The following GALNTL6 variants were observed in gnomAD, a reference collection of about 807,000 sequenced individuals.
The protein encoded by GALNTL6 is polypeptide N-acetylgalactosaminyltransferase like 6.
Under a neutral mutation model 73.7 loss-of-function variants are expected in GALNTL6, and 46 were observed. The observed-to-expected ratio is 0.62, with a 90% CI of 0.49 to 0.80. The LOEUF (loss-of-function observed/expected upper bound fraction) is 0.80. Ranked by LOEUF, GALNTL6 falls within the 30% of genes least tolerant of loss-of-function variation. The probability of loss-of-function intolerance (pLI) is 0.00; values close to 1 mark genes in which losing one functional copy is unlikely to be tolerated. For missense variants in GALNTL6, 604 were observed against 755.0 expected, an observed-to-expected ratio of 0.80 and a Z score of 2.34; for synonymous variants, 259 against 263.7, an observed-to-expected ratio of 0.98 and a Z score of 0.17.
chr4:172,557,354 G>A (rs1736186313), intron 5 of GALNTL6, among the ~76,000 whole-genome samples: 1 of 152,072 alleles, frequency 6.6e-6, no homozygotes, highest in Non-Finnish European at 1.5e-5. Flanking sequence ...TCTTAGATAT[G>A]ACACAGAAAA....
intron 2 of GALNTL6, among the ~76,000 whole-genome samples, chr4:171,958,366 A>G (rs1739118492): frequency 6.6e-6 from 1 of 152,186 alleles, no homozygotes; most frequent in African/African-American, 2.4e-5. Context: ...AAGATATCAC[A>G]TGAAAACTAA....
chr4:173,010,623 T>C (rs2126495660), intron 11 of GALNTL6, among the ~76,000 whole-genome samples: 1 of 152,078 alleles, frequency 6.6e-6, no homozygotes, highest in African/African-American at 2.4e-5. Context: ...TTAAACGGAG[T>C]CTCGCTCTGT....
At chr4:172,061,596 T>C (rs1220127248) in intron 2 of GALNTL6, among the ~76,000 whole-genome samples, 1 of 152,236 alleles carries the variant, frequency 6.6e-6, no homozygotes, top group East Asian at 1.9e-4. Flanking sequence ...AGGCCAAATA[T>C]GTGCTTGTAT....
chr4:171,986,091 G>A (rs1370265786), intron 2 of GALNTL6, among the ~76,000 whole-genome samples: 6 of 148,460 alleles, frequency 4.0e-5, no homozygotes, highest in African/African-American at 1.2e-4. Context: ...GGTATCTTTG[G>A]CACATATGAT....
chr4:172,151,089 A>C (rs1280157979), intron 2 of GALNTL6, among the ~76,000 whole-genome samples: 1 of 152,218 alleles, frequency 6.6e-6, no homozygotes, highest in Non-Finnish European at 1.5e-5. Flanking sequence ...CATGAGCATG[A>C]ATTTTAGGTG....
intron 3 of GALNTL6, among the ~76,000 whole-genome samples, chr4:172,253,394 C>T (rs886904006): frequency 5.9e-5 from 9 of 151,764 alleles, no homozygotes; most frequent in South Asian, 4.2e-4. Flanking sequence ...GATGGATTGT[C>T]GTAAGAATGT....
At chr4:172,945,584 G>C (rs961152852) in intron 9 of GALNTL6, among the ~76,000 whole-genome samples, 1 of 152,094 alleles carries the variant, frequency 6.6e-6, no homozygotes, top group Non-Finnish European at 1.5e-5. Context: ...CACCACCATA[G>C]ATATCCAAAA....
chr4:172,915,926 T>G lies in GALNTL6; in HGVS notation c.1042-15235T>G, dbSNP rs182584128. 4.9e-4 allele frequency among the ~76,000 whole-genome samples: 74 copies of G among 152,270 alleles called. 1 individual carries two copies. The East Asian group carries it at 7.5e-3, about 15-fold the overall frequency. On this transcript the variant is annotated intron_variant, in intron 8 of 12. Coordinates refer to ENST00000506823, the MANE Select transcript of GALNTL6 (RefSeq NM_001034845.3). The stretch of plus-strand genomic sequence containing the variant: ...CCAGCATCATCCTGATACCAAAGAC[T>G]GGCAGAGACACAACAAAAAAAGAGA...
intron 2 of GALNTL6, among the ~76,000 whole-genome samples, chr4:171,869,518 C>A (rs1434438987): frequency 6.6e-6 from 1 of 151,952 alleles, no homozygotes; most frequent in Admixed American, 6.6e-5. Context: ...GATGTTTTAC[C>A]CATATATTAT....
At chr4:172,776,730 A>C (rs1017863708) in intron 5 of GALNTL6, among the ~76,000 whole-genome samples, 5 of 152,202 alleles carry the variant, frequency 3.3e-5, no homozygotes, top group African/African-American at 1.2e-4. Context: ...GGTGCCTGCA[A>C]ACTCAACTGT....
At chr4:172,707,196 C>T (rs1332913520) in intron 5 of GALNTL6, among the ~76,000 whole-genome samples, 1 of 152,174 alleles carries the variant, frequency 6.6e-6, no homozygotes, top group African/African-American at 2.4e-5. Flanking sequence ...GGGATTGTCA[C>T]AGCCTCTGTT....
At chr4:172,230,354 G>A (rs116103445) in intron 3 of GALNTL6, among the ~76,000 whole-genome samples, 15,333 of 152,128 alleles carry the variant, frequency 0.1, 1,054 homozygotes, top group Middle Eastern at 0.17. Flanking sequence ...TTGGGAGACC[G>A]AGGCAGGCGG....
intron 12 of GALNTL6, among the ~76,000 whole-genome samples, chr4:173,032,245 C>G (rs1425195301): frequency 6.6e-6 from 1 of 152,140 alleles, no homozygotes; most frequent in Non-Finnish European, 1.5e-5. Context: ...GTCAGGAGAT[C>G]AAGACCATCC....
rs79636118 is a variant in GALNTL6 at position 172,639,230 on chromosome 4, T to A, written c.554-170131T>A. Among the ~76,000 whole-genome samples, 700 of 152,288 alleles carry A rather than the reference T, an allele frequency of 4.6e-3. 7 individuals are homozygous for A. The highest frequency in any genetic ancestry group is 7.4e-3 in the Non-Finnish European group (505 of 68,018). On this transcript the variant is annotated intron_variant, in intron 5 of 12. Coordinates refer to ENST00000506823, the MANE Select transcript of GALNTL6 (RefSeq NM_001034845.3). ...GATGATTCTTGCCTGTAACAATTGTTACTGTAACGTTTGCCAACTGGTGAT... is the reference window on the plus strand; with the variant it reads ...GATGATTCTTGCCTGTAACAATTGTAACTGTAACGTTTGCCAACTGGTGAT...
At chr4:172,138,354 TG>T (rs1188109253) in intron 2 of GALNTL6, among the ~76,000 whole-genome samples, 1 of 149,240 alleles carries the variant, frequency 6.7e-6, no homozygotes, top group Non-Finnish European at 1.5e-5. Flanking sequence ...TTTGCATTTT[TG>T]TCCTTTGCAT....
intron 5 of GALNTL6, among the ~76,000 whole-genome samples, chr4:172,547,656 C>T (rs1735822685): frequency 1.3e-5 from 2 of 152,148 alleles, no homozygotes; most frequent in East Asian, 1.9e-4. Context: ...TTCTCTAGAA[C>T]TAATGATGTG....
At chr4:172,758,572 T>A (rs1481604406) in intron 5 of GALNTL6, among the ~76,000 whole-genome samples, 2 of 152,242 alleles carry the variant, frequency 1.3e-5, no homozygotes, top group African/African-American at 4.8e-5. Context: ...AATATCATAA[T>A]TGAGATATAT....
At chr4:172,469,486 C>T (rs1732965114) in intron 5 of GALNTL6, among the ~76,000 whole-genome samples, 1 of 152,118 alleles carries the variant, frequency 6.6e-6, no homozygotes, top group South Asian at 2.1e-4. Flanking sequence ...GGTGCACACA[C>T]TTCCAAACTA....
chr4:172,096,186 C>T (rs1392130367), intron 2 of GALNTL6, among the ~76,000 whole-genome samples: 3 of 151,790 alleles, frequency 2.0e-5, no homozygotes, highest in Non-Finnish European at 4.4e-5. Flanking sequence ...TCACTGCAGC[C>T]TTGAACTCCT....
Sources: gnomAD v4.1 joint callset for allele counts (sites outside exome capture counted in the v4.1 genomes callset) on GRCh38, gnomAD v4.1.1 for gene constraint, MANE v1.5 for transcripts, NCBI Gene and HGNC (gene_info 2026-07-23, HGNC 2026-07-21) for gene names.